DDX60: variants seen among roughly 807,000 people sequenced by gnomAD.
The protein encoded by DDX60 is DExD/H-box helicase 60, also known as probable ATP-dependent RNA helicase DDX60.
DDX60 carries 165 observed loss-of-function variants against 212.8 expected under a neutral mutation model. The ratio of observed to expected loss-of-function variants is 0.78; its 90% CI spans 0.68 to 0.88. The LOEUF is 0.88. Among genes scored for constraint, DDX60 ranks in the 40% least tolerant of loss-of-function variants. The pLI is 0.00. For synonymous variants in DDX60, 703 were observed against 685.3 expected (o/e 1.03, Z -0.40); for missense variants, 1,905 against 2,003.9 (o/e 0.95, Z 0.94).
intron 1 of DDX60, among the ~76,000 whole-genome samples, chr4:168,315,787 TG>T (rs1737343841): frequency 6.6e-6 from 1 of 152,228 alleles, no homozygotes; most frequent in Non-Finnish European, 1.5e-5. Context: ...TAGTGTTCCA[TG>T]GGGTATATGT....
intron 6 of DDX60, among the ~76,000 whole-genome samples, chr4:168,298,013 G>A (rs1424528314): frequency 6.6e-6 from 1 of 151,610 alleles, no homozygotes; most frequent in African/African-American, 2.4e-5. Flanking sequence ...AATGGATACT[G>A]AGAAAAATTA....
At position 168,220,488 on chromosome 4, in the gene DDX60, C is replaced by T. The variant is rs142173805; in HGVS notation, c.5039+167G>A. On this transcript the variant is annotated intron_variant, in intron 37 of 37. Transcript: ENST00000393743. ...ATTCTGTTATAGAAATAATACAACA[C>T]GTGTTGAACAGACATTCTGCAGAGC... is the stretch of plus-strand genomic sequence containing the variant. 289 of 495,168 alleles carry T rather than the reference C, an allele frequency of 5.8e-4. 1 individual carries two copies. The highest frequency in any genetic ancestry group is 5.5e-3 in the African/African-American group (265 of 47,964). 30.7% of individuals were successfully genotyped at this position (495,168 alleles called of 1,614,324 possible). A position where few individuals can be genotyped will look rare whatever the true frequency, so the allele number is the denominator to read the frequency against.
At chr4:168,232,062 C>T (rs1408325766) in intron 33 of DDX60, among the ~76,000 whole-genome samples, 1 of 152,008 alleles carries the variant, frequency 6.6e-6, no homozygotes, top group East Asian at 1.9e-4. Flanking sequence ...CTCTGCCATA[C>T]ACCAACAGCA....
At position 168,306,714 on chromosome 4, in the gene DDX60, C is replaced by A; in HGVS notation, c.271G>T (p.Glu91Ter). Residue 91 changes from glutamate (E) to a stop codon, truncating the protein, a stop_gained, in exon 5 of 38, where the codon GAG becomes TAG. Coordinates refer to ENST00000393743, the MANE Select transcript of DDX60 (RefSeq NM_017631.6). LOFTEE classifies it high-confidence loss of function. Reference sequence around the variant, plus strand: ...TCAGGGAAGTTGAAATACGCATACTCGGCATCCTGTGGAGGAGGAGGTGAA... The same window carrying A: ...TCAGGGAAGTTGAAATACGCATACTAGGCATCCTGTGGAGGAGGAGGTGAA... ...QFTIVFFKDAEYAYFNFPELL... is the reference protein window; with the variant it reads ...QFTIVFFKDA 2 of 1,608,562 alleles carry A rather than the reference C, an allele frequency of 1.2e-6. No individual in the cohort carries two copies. Among genetic ancestry groups the A allele is most frequent in the Non-Finnish European group, 8.5e-7 (1 of 1,175,852 alleles).
upstream of DDX60, among the ~76,000 whole-genome samples, chr4:168,321,759 C>A (rs983974087): frequency 2.0e-5 from 3 of 152,176 alleles, no homozygotes; most frequent in African/African-American, 7.2e-5. Context: ...GCCCATCATT[C>A]TTCAGTTTGT....
chr4:168,218,157 C>A (rs1732917483), intron 37 of DDX60, among the ~76,000 whole-genome samples: 1 of 152,118 alleles, frequency 6.6e-6, no homozygotes, highest in African/African-American at 2.4e-5. Flanking sequence ...TCATCACTGA[C>A]CTACCACAAA....
chr4:168,251,116 G>A lies in DDX60; in HGVS notation c.3706-10C>T. 1 of 1,602,384 alleles carries A rather than the reference G, an allele frequency of 6.2e-7. No individual in the cohort carries two copies. Among genetic ancestry groups the A allele is most frequent in the Non-Finnish European group, 8.5e-7 (1 of 1,176,180 alleles). ...ATACCTTCTGCAAAGTCTAAAAGAA[G>A]CAAGACATTTAGGGATTATGATTTA... is the stretch of plus-strand genomic sequence containing the variant. On this transcript the variant is annotated splice_polypyrimidine_tract_variant and intron_variant, in intron 27 of 37. Coordinates refer to ENST00000393743, the MANE Select transcript of DDX60 (RefSeq NM_017631.6).
chr4:168,306,413 G>T lies in DDX60; in HGVS notation c.572C>A (p.Pro191Gln). Residue 191 changes from proline (P) to glutamine (Q), a missense_variant, in exon 5 of 38, where the codon CCA (proline) becomes CAA (glutamine). Coordinates refer to ENST00000393743, the MANE Select transcript of DDX60 (RefSeq NM_017631.6). ...DVLCLYAYLL[P>Q]SMYRHQIFSW... Reference sequence around the variant, plus strand: ...AAAAATCTGGTGTCTGTACATGCTTGGAAGAAGGTATGCATAAAGGCAAAG... The same window carrying T: ...AAAAATCTGGTGTCTGTACATGCTTTGAAGAAGGTATGCATAAAGGCAAAG... 6.2e-7 allele frequency: 1 copy of T among 1,613,612 alleles called. No individual in the cohort carries two copies. The highest frequency in any genetic ancestry group is 2.2e-5 in the East Asian group (1 of 44,866).
At chr4:168,315,081 T>C (rs984627080) in intron 1 of DDX60, among the ~76,000 whole-genome samples, 5 of 152,182 alleles carry the variant, frequency 3.3e-5, no homozygotes, top group African/African-American at 1.2e-4. Flanking sequence ...TATACTATAG[T>C]TCTATAAGCT....
intron 27 of DDX60, among the ~76,000 whole-genome samples, chr4:168,252,254 T>A (rs1413292531): frequency 1.3e-5 from 2 of 152,200 alleles, no homozygotes; most frequent in Non-Finnish European, 2.9e-5. Context: ...CACAGGTATC[T>A]CAGTGTGTGC....
intron 8 of DDX60, 37 bp from the exon 9 acceptor site, chr4:168,288,352 T>C (rs747240735): frequency 2.0e-5 from 27 of 1,380,308 alleles, no homozygotes; most frequent in Non-Finnish European, 2.5e-5. Context: ...ATTGGCAATA[T>C]TCATATTAGC....
chr4:168,281,848 T>C (rs1735608732), intron 13 of DDX60, among the ~76,000 whole-genome samples: 1 of 152,222 alleles, frequency 6.6e-6, no homozygotes, highest in Non-Finnish European at 1.5e-5. Context: ...TCCCAGTGTT[T>C]AGTCTTCCTA....
At chr4:168,281,028 T>A (rs1465469457) in intron 13 of DDX60, among the ~76,000 whole-genome samples, 5 of 152,034 alleles carry the variant, frequency 3.3e-5, no homozygotes, top group Non-Finnish European at 7.4e-5. Flanking sequence ...TAGTCCCAGC[T>A]ACTTGGGAGG....
At chr4:168,233,500 CATATGT>C (rs1733526697) in intron 33 of DDX60, among the ~76,000 whole-genome samples, 1 of 151,862 alleles carries the variant, frequency 6.6e-6, no homozygotes, top group Admixed American at 6.6e-5. Flanking sequence ...AAATGTGGTA[CATATGT>C]ATTATGGAAT....
intron 19 of DDX60, among the ~76,000 whole-genome samples, chr4:168,269,825 C>T (rs1735013680): frequency 6.6e-6 from 1 of 152,136 alleles, no homozygotes; most frequent in African/African-American, 2.4e-5. Context: ...CTTGAACTCA[C>T]CCTTTCTACC....
At position 168,287,129 on chromosome 4, in the gene DDX60, T is replaced by G; in HGVS notation, c.1258A>C (p.Arg420=). The G allele has an allele frequency of 6.2e-7, 1 of 1,612,466 alleles. No individual in the cohort carries two copies. Among genetic ancestry groups the G allele is most frequent in the African/African-American group, 1.3e-5 (1 of 74,980 alleles). ...YLWNTVSKLV[R]DFEVGQPFPL... ...AATGGCTGTCCAACCTCAAAGTCTC[T>G]GACCAACTTTGATACGGTATTCCAG... Residue 420 remains arginine, a synonymous_variant, in exon 10 of 38, where the codon AGA becomes CGA. Transcript: ENST00000393743.
intron 19 of DDX60, among the ~76,000 whole-genome samples, chr4:168,270,998 C>T (rs1735072749): frequency 6.6e-6 from 1 of 151,486 alleles, no homozygotes; most frequent in African/African-American, 2.4e-5. Flanking sequence ...CTGCCTCAGC[C>T]TCCTGAGTAG....
At chr4:168,287,738 C>T (rs1330938417) in intron 9 of DDX60, among the ~76,000 whole-genome samples, 2 of 151,504 alleles carry the variant, frequency 1.3e-5, no homozygotes, top group African/African-American at 2.4e-5. Context: ...AGAAATCTTA[C>T]CCTAAGAAAA....
rs141093375 is a variant in DDX60, at chr4:168,241,761, A to C, written c.4165-3966T>G. 2.0e-4 allele frequency among the ~76,000 whole-genome samples: 31 copies of C among 152,264 alleles called. 1 individual carries two copies. In the East Asian group the frequency reaches 6.0e-3, roughly 29 times the overall value. On this transcript the variant is annotated intron_variant, in intron 30 of 37. Transcript: ENST00000393743. ...GGCTGACAATGGGATAGAAATGAAA[A>C]TCCCATTTTCTGAGGAGAAATTCAA...
Sources: allele counts gnomAD v4.1 joint callset (sites outside exome capture counted in the v4.1 genomes callset), GRCh38; gene constraint gnomAD v4.1.1; transcripts MANE v1.5; gene names NCBI Gene and HGNC (gene_info 2026-07-23, HGNC 2026-07-21).